Variants in PAN3 observed in about 807,000 individuals in gnomAD.
The protein encoded by PAN3 is poly(A) specific ribonuclease subunit PAN3, also known as PAN2-PAN3 deadenylation complex subunit PAN3.
PAN3 carries 19 observed loss-of-function variants against 96.2 expected under a neutral mutation model. The ratio of observed to expected loss-of-function variants is 0.20; its 90% CI spans 0.14 to 0.29. The LOEUF is 0.29. Ranked by LOEUF, PAN3 falls within the 10% of genes least tolerant of loss-of-function variation. The pLI is 1.00. For synonymous variants in PAN3, 433 were observed against 406.6 expected, an observed-to-expected ratio of 1.06 and a Z score of -0.78; for missense variants, 882 against 1,108.1, an observed-to-expected ratio of 0.80 and a Z score of 2.90.
Position 28,256,380 on chromosome 13 carries a change from T to C in PAN3, c.1089T>C (p.Thr363=). ...CTGCTCCCAGAAGAAGAAGTCACAC[T>C]CCAAATCCAGCAAGTTACATGGTGC... The part of the protein sequence containing the change: ...TSPAPRRRSH[T]PNPASYMVPS... The change falls in exon 7 of 19, where the codon ACT becomes ACC. Residue 363 remains threonine (T), a synonymous_variant. Transcript: ENST00000380958. The C allele has an allele frequency of 6.2e-7, 1 of 1,614,020 alleles. No individual in the cohort carries two copies. The highest frequency in any genetic ancestry group is 8.5e-7 in the Non-Finnish European group (1 of 1,179,906).
At chr13:28,249,361 G>A (rs539684677) in intron 6 of PAN3, among the ~76,000 whole-genome samples, 10 of 152,240 alleles carry the variant, frequency 6.6e-5, no homozygotes, top group South Asian at 4.1e-4. Flanking sequence ...TCTGTTTCAC[G>A]TGGTCACCAC....
At chr13:28,282,585 A>G (rs1306551275) in intron 17 of PAN3, among the ~76,000 whole-genome samples, 2 of 152,176 alleles carry the variant, frequency 1.3e-5, no homozygotes, top group Non-Finnish European at 2.9e-5. Flanking sequence ...TCTTCCCTAC[A>G]CACGTGCACG....
chr13:28,288,163 A>G (rs752002115), intron 18 of PAN3, 41 bp downstream of exon 18: 1 of 1,527,850 alleles, frequency 6.5e-7, no homozygotes, highest in Non-Finnish European at 8.9e-7. Flanking sequence ...AATTCTGCCT[A>G]TAATTTGTAT....
chr13:28,230,566 G>GA (rs567202799), intron 6 of PAN3, among the ~76,000 whole-genome samples: 62 of 152,160 alleles, frequency 4.1e-4, no homozygotes, highest in South Asian at 2.3e-3. Flanking sequence ...AAAAGAAAGA[G>GA]AAAATAAGAG....
intron 1 of PAN3, among the ~76,000 whole-genome samples, chr13:28,165,897 G>A (rs998147217): frequency 2.0e-5 from 3 of 146,886 alleles, no homozygotes; most frequent in African/African-American, 7.3e-5. Context: ...TAGCATCATG[G>A]CATGGTCCAC....
intron 1 of PAN3, among the ~76,000 whole-genome samples, chr13:28,140,308 A>C (rs759862111): frequency 1.3e-5 from 2 of 152,218 alleles, no homozygotes; most frequent in Non-Finnish European, 2.9e-5. Context: ...CTTTACGAAT[A>C]GAGCCGGTGC....
chr13:28,189,924 C>A (rs550473355), intron 4 of PAN3, among the ~76,000 whole-genome samples: 1 of 152,142 alleles, frequency 6.6e-6, no homozygotes, highest in Admixed American at 6.6e-5. Context: ...TTTATTCAAG[C>A]CTTGAGCTTT....
chr13:28,215,902 T>C (rs1184711521), intron 5 of PAN3: 1 of 1,273,078 alleles, frequency 7.9e-7, no homozygotes, highest in Non-Finnish European at 1.1e-6. Context: ...AAATGAATAT[T>C]ATCCCTAATA....
intron 9 of PAN3, among the ~76,000 whole-genome samples, chr13:28,262,061 A>G (rs754423059): frequency 1.1e-4 from 16 of 152,194 alleles, no homozygotes; most frequent in Admixed American, 3.9e-4. Context: ...TTGTGAGACT[A>G]CTGTGTGCCA....
chr13:28,270,728 A>T lies in PAN3; in HGVS notation c.1820A>T (p.Gln607Leu). The change falls in exon 13 of 19, where the codon CAG becomes CTG. Residue 607 changes from glutamine (Q) to leucine (L), a missense_variant. Gln to Leu is a moderately radical substitution (Grantham distance 113). This residue lies in a region of PAN3 where 364 missense variants were observed against 513.6 expected (regional missense o/e 0.71). Coordinates refer to ENST00000380958, the MANE Select transcript of PAN3 (RefSeq NM_175854.8). ...CAGCACGAGGGACCATTGCCCAGGC[A>T]GCATGCTGGATTATTGCCAGAATCT... ...WGQHEGPLPR[Q>L]HAGLLPESLI... 2.5e-6 allele frequency: 4 copies of T among 1,613,982 alleles called. No homozygotes were observed. Among genetic ancestry groups the T allele is most frequent in the Non-Finnish European group, 3.4e-6 (4 of 1,179,858 alleles).
chr13:28,237,805 A>G (rs1883246844), intron 6 of PAN3, among the ~76,000 whole-genome samples: 1 of 152,182 alleles, frequency 6.6e-6, no homozygotes, highest in Non-Finnish European at 1.5e-5. Flanking sequence ...AGTTTCTCTG[A>G]GTACATGTGC....
intron 6 of PAN3, among the ~76,000 whole-genome samples, chr13:28,226,756 G>A (rs1882041891): frequency 6.6e-6 from 1 of 152,158 alleles, no homozygotes; most frequent in Non-Finnish European, 1.5e-5. Context: ...AAGTTTAACA[G>A]CATCAAAACT....
chr13:28,280,146 G>A (rs1887348611), intron 15 of PAN3, among the ~76,000 whole-genome samples: 1 of 152,176 alleles, frequency 6.6e-6, no homozygotes, highest in Admixed American at 6.6e-5. Context: ...AAATGGGTAA[G>A]TGCAGTCCTA....
At chr13:28,239,715 A>G in intron 6 of PAN3, 1 of 1,254,862 alleles carries the variant, frequency 8.0e-7, no homozygotes, top group Non-Finnish European at 1.0e-6. Context: ...GTTTAACTGA[A>G]GGGATTGTTG....
At chr13:28,274,929 C>CTAT (rs1052283086) in intron 14 of PAN3, among the ~76,000 whole-genome samples, 9 of 151,992 alleles carry the variant, frequency 5.9e-5, no homozygotes, top group Non-Finnish European at 1.2e-4. Context: ...GTTTCAGACA[C>CTAT]GTGAATAGAG....
At chr13:28,168,700 C>T (rs1022641113) in intron 1 of PAN3, among the ~76,000 whole-genome samples, 13 of 151,064 alleles carry the variant, frequency 8.6e-5, no homozygotes. Context: ...GCCTGGGCAA[C>T]AGAGCGAGAC....
At chr13:28,147,090 T>C (rs1252365273) in intron 1 of PAN3, among the ~76,000 whole-genome samples, 1 of 152,224 alleles carries the variant, frequency 6.6e-6, no homozygotes, top group Non-Finnish European at 1.5e-5. Context: ...AAAACATTGT[T>C]ACCAACAAAT....
chr13:28,156,762 G>A (rs1359011681), intron 1 of PAN3, among the ~76,000 whole-genome samples: 8 of 152,182 alleles, frequency 5.3e-5, no homozygotes, highest in African/African-American at 1.7e-4. Flanking sequence ...GGTAGCCAAG[G>A]CAGGTAGATG....
At chr13:28,209,247 A>G (rs915822829) in intron 5 of PAN3, among the ~76,000 whole-genome samples, 6 of 152,210 alleles carry the variant, frequency 3.9e-5, no homozygotes, top group Non-Finnish European at 7.3e-5. Flanking sequence ...ATCAGATACT[A>G]TAGAAGAGTA....
Sources: gnomAD v4.1 joint callset for allele counts (sites outside exome capture counted in the v4.1 genomes callset) on GRCh38, gnomAD v4.1.1 for gene constraint, gnomAD v4.1.1 regional missense constraint, MANE v1.5 for transcripts, NCBI Gene and HGNC (gene_info 2026-07-23, HGNC 2026-07-21) for gene names.